Variants in ME3 observed in about 807,000 individuals in gnomAD.
ME3 encodes malic enzyme 3, also known as NADP-dependent malic enzyme, mitochondrial.
A neutral mutation model predicts 68.9 loss-of-function variants in ME3; 48 were observed. The observed-to-expected ratio is 0.70, with a 90% CI of 0.55 to 0.89. The LOEUF is 0.89. Among genes scored for constraint, ME3 ranks in the 40% least tolerant of loss-of-function variants. The pLI, the probability that ME3 is intolerant of heterozygous loss-of-function variation, is 0.00. For missense variants in ME3, 675 were observed against 797.4 expected (o/e 0.85, Z 1.85); for synonymous variants, 320 against 318.8 (o/e 1.00, Z -0.04).
chr11:86,464,909 A>C (rs921267478), intron 8 of ME3, among the ~76,000 whole-genome samples, 182 bp downstream of exon 8: 5 of 152,240 alleles, frequency 3.3e-5, no homozygotes, highest in African/African-American at 1.2e-4. Flanking sequence ...AGGAAACTGA[A>C]TTCAGAGAAT....
At chr11:86,651,843 T>C (rs572158317) in intron 2 of ME3, among the ~76,000 whole-genome samples, 2 of 152,204 alleles carry the variant, frequency 1.3e-5, no homozygotes, top group East Asian at 1.9e-4. Flanking sequence ...GTTAAAAACC[T>C]TGAAAAAAGA....
intron 8 of ME3, among the ~76,000 whole-genome samples, chr11:86,463,235 C>T (rs11606745): frequency 0.2 from 29,735 of 152,160 alleles, 3,591 homozygotes; most frequent in Middle Eastern, 0.28. Flanking sequence ...GGCTGTGCAC[C>T]AGGTGTGCCG....
intron 2 of ME3, among the ~76,000 whole-genome samples, chr11:86,623,943 C>G (rs1565230418): frequency 6.6e-6 from 1 of 152,218 alleles, no homozygotes; most frequent in African/African-American, 2.4e-5. Flanking sequence ...TGCCCACTCC[C>G]TCTCCAGCAG....
rs57747402 is a variant in ME3 at position 86,467,662 on chromosome 11, TTCTCTCTCTCTCTC to T, written c.810-2476_810-2463del. On this transcript the variant is annotated intron_variant, in intron 7 of 14. Coordinates refer to ENST00000543262, the Ensembl canonical transcript of ME3. The stretch of plus-strand genomic sequence containing the variant: ...TCTCTGTGTGTCTGTCTCTCTCTGT[TTCTCTCTCTCTCTC>T]TCTCTCTCTCTCTCTCTCACACACA... Among the ~76,000 whole-genome samples the T allele has an allele frequency of 9.4e-3, 1,354 of 144,410 alleles. 30 individuals carry two copies. The highest frequency in any genetic ancestry group is 0.033 in the African/African-American group (1,269 of 39,000). 94.7% of individuals were successfully genotyped at this position (144,410 alleles called of 152,430 possible).
At chr11:86,550,598 G>C (rs1956616546) in intron 4 of ME3, among the ~76,000 whole-genome samples, 1 of 152,224 alleles carries the variant, frequency 6.6e-6, no homozygotes, top group Admixed American at 6.5e-5. Context: ...GGTGAAATTG[G>C]AATGTCAAGC....
intron 2 of ME3, among the ~76,000 whole-genome samples, chr11:86,643,584 G>C (rs952713141): frequency 2.6e-5 from 4 of 152,050 alleles, no homozygotes; most frequent in African/African-American, 4.8e-5. Flanking sequence ...TAAGATCAAA[G>C]GCCAGCTACT....
In ME3 at chr11:86,508,868, C is replaced by G. The variant is rs974998934; in HGVS notation, c.468-1G>C. ...GTCATGAATGGTGATGAACAGTCCA[C>G]TAAAAGAAATAAAACACGTACACAC... On this transcript the variant is annotated splice_acceptor_variant, in intron 4 of 14. Transcript: ENST00000543262. LOFTEE classifies it high-confidence loss of function. The G allele has an allele frequency of 6.2e-7, 1 of 1,611,878 alleles. No individual in the cohort carries two copies. The highest frequency in any genetic ancestry group is 8.5e-7 in the Non-Finnish European group (1 of 1,178,230).
intron 10 of ME3, among the ~76,000 whole-genome samples, chr11:86,448,680 G>A (rs1053159393): frequency 6.6e-6 from 1 of 152,150 alleles, no homozygotes; most frequent in African/African-American, 2.4e-5. Context: ...ATGCTTATAA[G>A]AGCCATTAAT....
chr11:86,441,414 G>A (rs543756579), exon 15 of ME3: 1 of 1,605,386 alleles, frequency 6.2e-7, no homozygotes, highest in South Asian at 1.1e-5. Context: ...AGGAAGCCAG[G>A]TTGTGTTTGT....
intron 7 of ME3, among the ~76,000 whole-genome samples, chr11:86,474,130 C>T (rs1950929909): frequency 6.6e-6 from 1 of 152,286 alleles, no homozygotes; most frequent in South Asian, 2.1e-4. Context: ...CTTCCCTTCC[C>T]AGCTCCCAGA....
At chr11:86,548,143 A>G (rs1202582107) in intron 4 of ME3, among the ~76,000 whole-genome samples, 3 of 152,226 alleles carry the variant, frequency 2.0e-5, no homozygotes, top group Non-Finnish European at 4.4e-5. Context: ...TCTGGATGCT[A>G]AAGTCCTAGG....
intron 1 of ME3, 29 bp from the exon 2 acceptor site, chr11:86,671,987 G>A: frequency 2.9e-6 from 4 of 1,362,338 alleles, no homozygotes; most frequent in Non-Finnish European, 3.8e-6. Flanking sequence ...CAAGGTCAGG[G>A]CCTCCTTCCA....
At chr11:86,459,575 C>T (rs1950123009) in intron 8 of ME3, among the ~76,000 whole-genome samples, 1 of 151,682 alleles carries the variant, frequency 6.6e-6, no homozygotes, top group South Asian at 2.1e-4. Context: ...ATAACAGATG[C>T]TGGCCTTATA....
At chr11:86,508,967 C>A in intron 4 of ME3, 100 bp from the exon 5 acceptor site, 1 of 976,072 alleles carries the variant, frequency 1.0e-6, no homozygotes, top group Non-Finnish European at 1.6e-6. Context: ...TAAATTTGCC[C>A]ATAGACCTGG....
chr11:86,671,889 C>T (rs762357249), exon 2 of ME3: 54 of 1,497,666 alleles, frequency 3.6e-5, no homozygotes, highest in Non-Finnish European at 4.7e-5. Flanking sequence ...GAGGGCGCCG[C>T]AGGCCCGGCC....
intron 2 of ME3, among the ~76,000 whole-genome samples, chr11:86,627,746 C>T (rs1943751408): frequency 6.6e-6 from 1 of 152,190 alleles, no homozygotes; most frequent in African/African-American, 2.4e-5. Context: ...AAGGCCATCT[C>T]ACTAGCAGAT....
chr11:86,601,846 CA>C (rs1466992371), intron 2 of ME3, among the ~76,000 whole-genome samples: 1 of 151,180 alleles, frequency 6.6e-6, no homozygotes, highest in Non-Finnish European at 1.5e-5. Context: ...GAACCAAAGA[CA>C]AAAACCACAT....
intron 2 of ME3, among the ~76,000 whole-genome samples, chr11:86,654,774 G>T (rs1180593282): frequency 6.6e-6 from 1 of 152,116 alleles, no homozygotes; most frequent in East Asian, 1.9e-4. Context: ...AGGAAATAAA[G>T]GTCATTCAAT....
chr11:86,560,526 C>T (rs897526326), intron 2 of ME3, among the ~76,000 whole-genome samples: 1 of 151,860 alleles, frequency 6.6e-6, no homozygotes, highest in Admixed American at 6.6e-5. Flanking sequence ...GTAGAGTTCC[C>T]ATATACCCCC....
Sources: allele counts gnomAD v4.1 joint callset (sites outside exome capture counted in the v4.1 genomes callset), GRCh38; gene constraint gnomAD v4.1.1; transcripts MANE v1.5; gene names NCBI Gene and HGNC (gene_info 2026-07-23, HGNC 2026-07-21).